GNAQ: variants seen among roughly 807,000 people sequenced by gnomAD.
GNAQ encodes the protein G protein subunit alpha q.
Under a neutral mutation model 43.9 loss-of-function variants are expected in GNAQ, and 8 were observed. That is an observed-to-expected ratio of 0.18 (90% CI 0.11 to 0.33). The LOEUF (loss-of-function observed/expected upper bound fraction) is 0.33, where lower values mean the gene tolerates loss of function less well. GNAQ is among the 10% of genes least tolerant of loss of function. The probability of loss-of-function intolerance (pLI) is 1.00; values close to 1 mark genes in which losing one functional copy is unlikely to be tolerated. For missense variants in GNAQ, 158 were observed against 450.8 expected (o/e 0.35, Z 5.88); for synonymous variants, 155 against 170.7 (o/e 0.91, Z 0.71).
intron 2 of GNAQ, among the ~76,000 whole-genome samples, chr9:77,846,689 TA>T (rs1384975167): frequency 6.6e-6 from 1 of 152,216 alleles, no homozygotes; most frequent in Non-Finnish European, 1.5e-5. Flanking sequence ...CCTTTTAACC[TA>T]AATATAGTGA....
Position 77,892,617 on chromosome 9 carries a change from G to A in GNAQ, c.321+29544C>T, listed in dbSNP as rs186138848. On this transcript the variant is annotated intron_variant, in intron 2 of 6. Coordinates refer to ENST00000286548, the MANE Select transcript of GNAQ (RefSeq NM_002072.5). ...ATCTTTAACAACAGTCATAAGCAAT[G>A]TTTTGTTAAAAATAGAAGCTGAAGA... 1.3e-3 allele frequency among the ~76,000 whole-genome samples: 191 copies of A among 152,280 alleles called. 1 individual carries two copies. The highest frequency in any genetic ancestry group is 4.1e-4 in the South Asian group (2 of 4,828).
chr9:77,964,366 T>C (rs1355544872), intron 1 of GNAQ, among the ~76,000 whole-genome samples: 1 of 152,074 alleles, frequency 6.6e-6, no homozygotes, highest in East Asian at 1.9e-4. Flanking sequence ...ATAGATCAAG[T>C]AGAGAGAAAA....
intron 5 of GNAQ, among the ~76,000 whole-genome samples, chr9:77,792,614 ACTTTC>A (rs1397878547): frequency 1.3e-5 from 2 of 152,154 alleles, no homozygotes; most frequent in African/African-American, 4.8e-5. Context: ...AAAGGATTCT[ACTTTC>A]TTTTCTATTT....
At chr9:77,914,294 T>C (rs2118231564) in intron 2 of GNAQ, among the ~76,000 whole-genome samples, 1 of 152,238 alleles carries the variant, frequency 6.6e-6, no homozygotes, top group Admixed American at 6.5e-5. Context: ...GAGAAAGCAG[T>C]AAACCAATCT....
intron 2 of GNAQ, among the ~76,000 whole-genome samples, chr9:77,872,862 A>G (rs56124603): frequency 0.026 from 3,927 of 152,302 alleles, 54 homozygotes; most frequent in Middle Eastern, 0.078. Context: ...AGGTTTTACA[A>G]ACTGATAGTG....
intron 2 of GNAQ, among the ~76,000 whole-genome samples, chr9:77,906,968 CCTT>C (rs1225709673): frequency 1.3e-5 from 2 of 152,028 alleles, no homozygotes; most frequent in Non-Finnish European, 2.9e-5. Flanking sequence ...GTGATTTTTT[CCTT>C]CTTCTTTTGC....
At chr9:77,980,990 T>C (rs1045715369) in intron 1 of GNAQ, among the ~76,000 whole-genome samples, 34 of 152,216 alleles carry the variant, frequency 2.2e-4, no homozygotes, top group African/African-American at 8.2e-4. Context: ...CCTACAATGA[T>C]TTCTATCTGA....
At chr9:77,883,680 A>G (rs1828254944) in intron 2 of GNAQ, among the ~76,000 whole-genome samples, 2 of 149,898 alleles carry the variant, frequency 1.3e-5, no homozygotes, top group South Asian at 4.2e-4. Flanking sequence ...CCCAGTATCT[A>G]TTATAAGGCT....
At chr9:77,725,474 A>C (rs1416100566) in intron 6 of GNAQ, among the ~76,000 whole-genome samples, 2 of 151,040 alleles carry the variant, frequency 1.3e-5, no homozygotes, top group African/African-American at 4.9e-5. Flanking sequence ...AGTTTCACGT[A>C]ATGACTGCTG....
At position 77,717,269 on chromosome 9, in the gene GNAQ, T is replaced by C. The variant is rs192250644; in HGVS notation, c.*4054A>G. The C allele has an allele frequency of 2.8e-4, 66 of 232,522 alleles. 1 individual carries two copies. The East Asian group carries it at 3.1e-3, about 11-fold the overall frequency. The allele number at this position is 232,522 out of a possible 1,614,324, so 14.4% of individuals were successfully genotyped here. A position where few individuals can be genotyped will look rare whatever the true frequency, so the allele number is the denominator to read the frequency against. On this transcript the variant is annotated 3_prime_UTR_variant, in exon 7 of 7. Transcript: ENST00000286548. ...CACCTTATTTGTATCAATTGAGATGTTGATTACCAATTAAGTGGTTTTAAA... is the reference window on the plus strand; with the variant it reads ...CACCTTATTTGTATCAATTGAGATGCTGATTACCAATTAAGTGGTTTTAAA...
At chr9:77,757,248 G>A (rs1483083646) in intron 5 of GNAQ, among the ~76,000 whole-genome samples, 1 of 152,070 alleles carries the variant, frequency 6.6e-6, no homozygotes, top group African/African-American at 2.4e-5. Flanking sequence ...CCATAAGCAC[G>A]ACAAACAAGC....
chr9:77,763,141 C>CAAAAAAAAAAAAAAA (rs34812363), intron 5 of GNAQ, among the ~76,000 whole-genome samples: 1 of 64,838 alleles, frequency 1.5e-5, no homozygotes, highest in African/African-American at 3.5e-5. Flanking sequence ...AACAAACAAA[C>CAAAAAAAAAAAAAAA]AAAAAAAAAA....
At chr9:77,930,366 T>C (rs1829131429) in intron 1 of GNAQ, among the ~76,000 whole-genome samples, 1 of 152,242 alleles carries the variant, frequency 6.6e-6, no homozygotes, top group Non-Finnish European at 1.5e-5. Context: ...CTTGCTGTTT[T>C]TCCTACTCGT....
chr9:77,900,989 C>T (rs539272254), intron 2 of GNAQ, among the ~76,000 whole-genome samples: 1 of 152,274 alleles, frequency 6.6e-6, no homozygotes, highest in Admixed American at 6.5e-5. Flanking sequence ...CAAACACACT[C>T]GGTTCTCTCC....
intron 1 of GNAQ, among the ~76,000 whole-genome samples, chr9:77,929,073 A>T (rs1829110202): frequency 6.6e-6 from 1 of 152,220 alleles, no homozygotes; most frequent in South Asian, 2.1e-4. Flanking sequence ...CTCAATTTAA[A>T]AATTTTTTTA....
chr9:77,892,587 G>C (rs1485276037), intron 2 of GNAQ, among the ~76,000 whole-genome samples: 1 of 152,128 alleles, frequency 6.6e-6, no homozygotes, highest in East Asian at 1.9e-4. Flanking sequence ...TCGGTGCTGC[G>C]AGTGATCTTT....
chr9:77,970,223 A>AC (rs1371153587), intron 1 of GNAQ, among the ~76,000 whole-genome samples: 4 of 145,800 alleles, frequency 2.7e-5, no homozygotes, highest in African/African-American at 1.0e-4. Flanking sequence ...CCATCTCCAC[A>AC]AAAAAAAAAA....
chr9:77,960,255 T>C (rs1029009455), intron 1 of GNAQ, among the ~76,000 whole-genome samples: 3 of 152,162 alleles, frequency 2.0e-5, no homozygotes, highest in Non-Finnish European at 2.9e-5. Context: ...AGTAAGAAAT[T>C]GACAAAAGGA....
At chr9:78,015,034 C>CT (rs1478535062) in intron 1 of GNAQ, among the ~76,000 whole-genome samples, 1 of 152,188 alleles carries the variant, frequency 6.6e-6, no homozygotes, top group African/African-American at 2.4e-5. Flanking sequence ...GTCCTAGACC[C>CT]TCACATTCAC....
Sources: allele counts gnomAD v4.1 joint callset (sites outside exome capture counted in the v4.1 genomes callset), GRCh38; gene constraint gnomAD v4.1.1; transcripts MANE v1.5; gene names NCBI Gene and HGNC (gene_info 2026-07-23, HGNC 2026-07-21).